IRF8: variants seen among roughly 807,000 people sequenced by gnomAD.
IRF8 encodes interferon regulatory factor 8.
Under a neutral mutation model 48.7 loss-of-function variants are expected in IRF8, and 14 were observed. That is an observed-to-expected ratio of 0.29 (90% CI 0.19 to 0.45). The LOEUF is 0.45. Among genes scored for constraint, IRF8 ranks in the 20% least tolerant of loss-of-function variants. The pLI, the probability that IRF8 is intolerant of heterozygous loss-of-function variation, is 1.00. For synonymous variants in IRF8, 278 were observed against 227.3 expected (o/e 1.22, Z -2.01); for missense variants, 493 against 580.7 (o/e 0.85, Z 1.55).
chr16:85,919,294 C>T (rs894999009), intron 7 of IRF8, among the ~76,000 whole-genome samples: 3 of 152,220 alleles, frequency 2.0e-5, no homozygotes, highest in East Asian at 1.9e-4. Flanking sequence ...TGTTAGCTTT[C>T]GTTACGCTGT....
intron 2 of IRF8, among the ~76,000 whole-genome samples, chr16:85,905,560 G>T (rs1020712074): frequency 1.3e-5 from 2 of 152,200 alleles, no homozygotes; most frequent in Non-Finnish European, 2.9e-5. Context: ...ACTGGAGCAG[G>T]GAGGCCATCG....
At chr16:85,914,585 A>C in intron 6 of IRF8, 65 bp downstream of exon 6, 2 of 1,585,886 alleles carry the variant, frequency 1.3e-6, no homozygotes, top group African/African-American at 1.3e-5. Flanking sequence ...AGATAACCCA[A>C]GCAGGGTTGC....
intron 6 of IRF8, 186 bp from the exon 7 acceptor site, chr16:85,918,231 G>A (rs571394107): frequency 1.3e-5 from 8 of 630,546 alleles, no homozygotes; most frequent in Non-Finnish European, 2.2e-5. Context: ...TAGTCATTCT[G>A]TGTATTTATT....
chr16:85,918,937 A>G, intron 7 of IRF8, 134 bp downstream of exon 7: 1 of 1,172,100 alleles, frequency 8.5e-7, no homozygotes, highest in South Asian at 1.3e-5. Flanking sequence ...ATGGTGTGGC[A>G]AGGAGGTGCT....
intron 1 of IRF8, 54 bp downstream of exon 1, chr16:85,899,277 G>A (rs1904743282): frequency 1.3e-5 from 2 of 152,204 alleles, no homozygotes; most frequent in African/African-American, 4.8e-5. Context: ...CGGTCCCGCG[G>A]GGTCCCCGAC....
chr16:85,903,352 C>T, intron 2 of IRF8, 163 bp downstream of exon 2: 2 of 671,502 alleles, frequency 3.0e-6, no homozygotes, highest in East Asian at 2.7e-5. Flanking sequence ...CAGACATGTA[C>T]ATGAGCTGAT....
intron 3 of IRF8, 148 bp from the exon 4 acceptor site, chr16:85,911,422 A>G: frequency 2.8e-6 from 2 of 707,868 alleles, no homozygotes; most frequent in Non-Finnish European, 5.0e-6. Context: ...AGCATGGGAA[A>G]AAAATTCTGT....
rs1904878177 is a variant in IRF8, at chr16:85,903,086, C to G, written c.71C>G (p.Pro24Arg). ...GAGCAGATTGACAGTAGCATGTATC[C>G]AGGACTGATTTGGGAGAATGAGGAG... The part of the protein sequence containing the change: ...LIEQIDSSMY[P>R]GLIWENEEKS... The change falls in exon 2 of 9, where the codon CCA (proline) becomes CGA (arginine). Residue 24 changes from proline to arginine, a missense_variant. Transcript: ENST00000268638. 6.2e-7 allele frequency: 1 copy of G among 1,614,152 alleles called. No homozygotes were observed. Among genetic ancestry groups the G allele is most frequent in the Non-Finnish European group, 8.5e-7 (1 of 1,180,010 alleles).
Position 85,903,194 on chromosome 16 carries a change from A to G in IRF8, c.174+5A>G, listed in dbSNP as rs762703275. ...GTGGATGCCTCCATTTTTAAGGTAAAGAGCCCAGCTCCCTTCCCCACTGTG... is the reference window on the plus strand; with the variant it reads ...GTGGATGCCTCCATTTTTAAGGTAAGGAGCCCAGCTCCCTTCCCCACTGTG... On this transcript the variant is annotated splice_donor_5th_base_variant and intron_variant, in intron 2 of 8. Transcript: ENST00000268638. 5.6e-6 allele frequency: 9 copies of G among 1,612,848 alleles called. No homozygotes were observed. Among genetic ancestry groups the G allele is most frequent in the Non-Finnish European group, 7.6e-6 (9 of 1,179,374 alleles).
chr16:85,916,194 A>T (rs1332445210), intron 6 of IRF8, among the ~76,000 whole-genome samples: 1 of 152,212 alleles, frequency 6.6e-6, no homozygotes, highest in East Asian at 1.9e-4. Flanking sequence ...ACAGCAGCCC[A>T]GTGAGGTGGA....
In IRF8 at chr16:85,918,783, A is replaced by G; in HGVS notation, c.968A>G (p.Asp323Gly). Residue 323 changes from aspartate (D) to glycine (G), a missense_variant, in exon 7 of 9, where the codon GAC (aspartate) becomes GGC (glycine). Asp to Gly is a moderately conservative substitution (Grantham distance 94). Around this residue, in one of 3 missense-constraint regions of IRF8, gnomAD observed 408 missense variants for 449.6 expected, o/e 0.91. Transcript: ENST00000268638. The stretch of plus-strand genomic sequence containing the variant: ...CGTGATGAGGTGGTCCAGGTCTTCG[A>G]CACCAGCCAGTTCTTCCGAGGTCTG... ...LERDEVVQVF[D>G]TSQFFRELQQ... The G allele has an allele frequency of 6.2e-7, 1 of 1,609,948 alleles. No homozygotes were observed. Among genetic ancestry groups the G allele is most frequent in the East Asian group, 2.2e-5 (1 of 44,884 alleles).
At chr16:85,919,605 A>C (rs991165131) in intron 7 of IRF8, among the ~76,000 whole-genome samples, 1 of 152,204 alleles carries the variant, frequency 6.6e-6, no homozygotes, top group African/African-American at 2.4e-5. Flanking sequence ...TGCAATGTAC[A>C]TTCCCGGGCC....
At position 85,904,812 on chromosome 16, in the gene IRF8, C is replaced by CTTTTTTTTTTTTTTTTTTTTTTTTT. The variant is rs1177860791; in HGVS notation, c.174+1643_174+1644insTTTTTTTTTTTTTTTTTTTTTTTTT. ...ATTTCTCTCTTGTTTGATTGCAGAT[C>CTTTTTTTTTTTTTTTTTTTTTTTTT]TTTTTTTTTTTTTTTTTTTTGCCTT... On this transcript the variant is annotated intron_variant, in intron 2 of 8. Transcript: ENST00000268638. Among the ~76,000 whole-genome samples, 65 of 87,628 alleles carry CTTTTTTTTTTTTTTTTTTTTTTTTT rather than the reference C, an allele frequency of 7.4e-4. 2 individuals are homozygous for CTTTTTTTTTTTTTTTTTTTTTTTTT. Among genetic ancestry groups the CTTTTTTTTTTTTTTTTTTTTTTTTT allele is most frequent in the Non-Finnish European group, 8.7e-4 (41 of 46,958 alleles). The allele number at this position is 87,628 out of a possible 152,430, so 57.5% of individuals were successfully genotyped here.
chr16:85,918,600 G>T lies in IRF8; in HGVS notation c.785G>T (p.Arg262Leu). Reference sequence around the variant, plus strand: ...CCGGCCGACGCCATCCCCAGCGAGCGACAGAGGCAGGTGACGCGGAAGCTG... The same window carrying T: ...CCGGCCGACGCCATCCCCAGCGAGCTACAGAGGCAGGTGACGCGGAAGCTG... ...FPPADAIPSERQRQVTRKLFG... is the reference protein window; with the variant it reads ...FPPADAIPSELQRQVTRKLFG... The change falls in exon 7 of 9, where the codon CGA becomes CTA. Residue 262 changes from arginine (R) to leucine (L), a missense_variant. Arg to Leu is a moderately radical substitution (Grantham distance 102, BLOSUM62 -2). Transcript: ENST00000268638. 1 of 1,607,440 alleles carries T rather than the reference G, an allele frequency of 6.2e-7. No homozygotes were observed. The highest frequency in any genetic ancestry group is 1.1e-5 in the South Asian group (1 of 91,026).
intron 5 of IRF8, 179 bp from the exon 6 acceptor site, chr16:85,914,294 C>A: frequency 1.5e-6 from 1 of 689,616 alleles, no homozygotes; most frequent in Non-Finnish European, 2.6e-6. Flanking sequence ...ATTTGTGAAA[C>A]AATGGCTCTC....
intron 6 of IRF8, 149 bp from the exon 7 acceptor site, chr16:85,918,268 A>G: frequency 1.2e-6 from 1 of 847,822 alleles, no homozygotes; most frequent in Non-Finnish European, 1.8e-6. Context: ...TTACTTCTAC[A>G]AGCAGTACAT....
At chr16:85,907,809 G>A (rs1173058120) in intron 2 of IRF8, among the ~76,000 whole-genome samples, 1 of 152,266 alleles carries the variant, frequency 6.6e-6, no homozygotes, top group Non-Finnish European at 1.5e-5. Flanking sequence ...AGCTTCCCAG[G>A]GGCAGGGGGT....
Position 85,913,193 on chromosome 16 carries a change from G to C in IRF8, c.510G>C (p.Arg170=), listed in dbSNP as rs754581193. 8.7e-6 allele frequency: 14 copies of C among 1,614,190 alleles called. No individual in the cohort carries two copies. The highest frequency in any genetic ancestry group is 9.3e-6 in the Non-Finnish European group (11 of 1,180,016). The change falls in exon 5 of 9, where the codon CGG becomes CGC. Residue 170 remains arginine, a synonymous_variant. Transcript: ENST00000268638. Reference sequence around the variant, plus strand: ...GCCCTTCCCCGCCGGAGGCCTGTCGGAGTCAGCTCCTTCCAGACTGGTGGG... The same window carrying C: ...GCCCTTCCCCGCCGGAGGCCTGTCGCAGTCAGCTCCTTCCAGACTGGTGGG... ...KRSPSPPEAC[R]SQLLPDWWAQ...
chr16:85,921,532 C>A lies in IRF8; in HGVS notation c.*250C>A. The A allele has an allele frequency of 3.8e-6, 2 of 525,830 alleles. No homozygotes were observed. The highest frequency in any genetic ancestry group is 4.1e-5 in the South Asian group (2 of 48,458). The allele number at this position is 525,830 out of a possible 1,614,324, so 32.6% of individuals were successfully genotyped here. ...TGTGGCTAAAAATTTTATTTTCTAT[C>A]CTTTACCCGTCATTATCATTAGTTG... On this transcript the variant is annotated 3_prime_UTR_variant, in exon 9 of 9. Coordinates refer to ENST00000268638, the MANE Select transcript of IRF8 (RefSeq NM_002163.4).
Sources: allele counts gnomAD v4.1 joint callset (sites outside exome capture counted in the v4.1 genomes callset), GRCh38; gene constraint gnomAD v4.1.1; regional missense constraint gnomAD v4.1.1; transcripts MANE v1.5; gene names NCBI Gene and HGNC (gene_info 2026-07-23, HGNC 2026-07-21).